RPS29: variants seen among roughly 807,000 people sequenced by gnomAD.
RPS29 encodes the protein small ribosomal subunit protein uS14.
For synonymous variants in RPS29, 37 were observed against 26.9 expected, an observed-to-expected ratio of 1.37 and a Z score of -1.16; for missense variants, 60 against 75.7, an observed-to-expected ratio of 0.79 and a Z score of 0.77.
intron 2 of RPS29, among the ~76,000 whole-genome samples, chr14:49,584,963 A>C (rs1881473373): frequency 6.6e-6 from 1 of 152,040 alleles, no homozygotes; most frequent in Non-Finnish European, 1.5e-5. Context: ...CACTAGCTTG[A>C]CTAAGATGAT....
At chr14:49,596,019 AGGAGGGAGGGAG>A (rs35194256) in intron 1 of RPS29, among the ~76,000 whole-genome samples, 9 of 109,660 alleles carry the variant, frequency 8.2e-5, no homozygotes, top group South Asian at 6.4e-4. Context: ...GAAGAAATGA[AGGAGGGAGGGAG>A]GGAGGGAGGG....
At chr14:49,579,586 G>A (rs1881279808), downstream of RPS29, among the ~76,000 whole-genome samples, 1 of 152,174 alleles carries the variant, frequency 6.6e-6, no homozygotes, top group South Asian at 2.1e-4. Flanking sequence ...TCCAATGGTT[G>A]TTTGGGCCTC....
chr14:49,581,190 C>G (rs949836462), downstream of RPS29, among the ~76,000 whole-genome samples: 5 of 144,594 alleles, frequency 3.5e-5, no homozygotes, highest in African/African-American at 1.3e-4. Context: ...AACTCTATCT[C>G]AAAAAAAAAA....
At chr14:49,596,973 G>A (rs1167502618) in intron 1 of RPS29, among the ~76,000 whole-genome samples, 1 of 148,928 alleles carries the variant, frequency 6.7e-6, no homozygotes, top group Non-Finnish European at 1.5e-5. Context: ...GGAGTGCAGT[G>A]GCACTATCTC....
chr14:49,595,738 C>G (rs577704616), intron 1 of RPS29, among the ~76,000 whole-genome samples: 1 of 152,130 alleles, frequency 6.6e-6, no homozygotes, highest in Admixed American at 6.5e-5. Context: ...GTCGGCAGGG[C>G]GCGGTGGCTC....
chr14:49,573,815 A>T (rs912482364), exon 3 of RPS29: 1 of 152,198 alleles, frequency 6.6e-6, no homozygotes, highest in African/African-American at 2.4e-5. Flanking sequence ...ATGAATGTTA[A>T]TAAGAGTTAA....
downstream of RPS29, among the ~76,000 whole-genome samples, chr14:49,583,070 C>T (rs755430921): frequency 1.3e-5 from 2 of 152,140 alleles, no homozygotes; most frequent in Non-Finnish European, 2.9e-5. Flanking sequence ...GTCTCCTGGG[C>T]TCAAGCAATC....
At chr14:49,585,798 C>T in intron 2 of RPS29, 152 bp downstream of exon 2, 1 of 622,094 alleles carries the variant, frequency 1.6e-6, no homozygotes, top group African/African-American at 1.8e-5. Flanking sequence ...AACACTGTCA[C>T]CAGCTACCAA....
At chr14:49,577,845 C>T (rs750841465) in exon 3 of RPS29, 2 of 1,592,876 alleles carry the variant, frequency 1.3e-6, no homozygotes, top group Non-Finnish European at 1.7e-6. Flanking sequence ...GAAGACAGCT[C>T]AGGTCTTTCT....
chr14:49,595,785 G>A (rs984231334), intron 1 of RPS29, among the ~76,000 whole-genome samples: 14 of 152,014 alleles, frequency 9.2e-5, no homozygotes, highest in African/African-American at 3.4e-4. Flanking sequence ...GGCTGGGGCG[G>A]GTGGATCACC....
At chr14:49,597,553 G>A (rs1462934833) in intron 1 of RPS29, 1 of 152,120 alleles carries the variant, frequency 6.6e-6, no homozygotes, top group East Asian at 1.9e-4. Context: ...GAAAATTGTA[G>A]TGTCCGTTTT....
At chr14:49,596,918 C>CTT (rs11294951) in intron 1 of RPS29, among the ~76,000 whole-genome samples, 60 of 121,918 alleles carry the variant, frequency 4.9e-4, no homozygotes, top group Admixed American at 6.8e-4. Flanking sequence ...TTTTCTTCTT[C>CTT]TTTTTTTTTT....
exon 3 of RPS29, chr14:49,574,065 T>G (rs1057474838): frequency 1.3e-5 from 2 of 152,234 alleles, no homozygotes; most frequent in African/African-American, 2.4e-5. Context: ...ATTTAGGAAA[T>G]GAAACAAAAA....
At chr14:49,586,075 G>A (rs753270596) in intron 1 of RPS29, 26 bp from the exon 2 acceptor site, 19 of 1,596,974 alleles carry the variant, frequency 1.2e-5, no homozygotes, top group Non-Finnish European at 1.5e-5. Context: ...CAGCGGTTTT[G>A]CAGGTCATAG....
exon 3 of RPS29, chr14:49,576,116 G>C (rs971256059): frequency 9.0e-6 from 1 of 111,250 alleles, no homozygotes; most frequent in Non-Finnish European, 1.9e-5. Context: ...ACAGCTAATA[G>C]TGCAGCCTTT....
chr14:49,586,244 T>G (rs1881548741), intron 1 of RPS29, 41 bp downstream of exon 1: 2 of 1,599,382 alleles, frequency 1.3e-6, no homozygotes, highest in African/African-American at 2.7e-5. Flanking sequence ...AGCCTAGCGC[T>G]CCACGGCAAC....
At chr14:49,586,139 A>ATCAGACG in intron 1 of RPS29, 90 bp from the exon 2 acceptor site, 1 of 1,416,394 alleles carries the variant, frequency 7.1e-7, no homozygotes, top group Non-Finnish European at 1.0e-6. Context: ...GGGACTCCCA[A>ATCAGACG]GCCACAGTAC....
chr14:49,571,331 G>A (rs572634178), exon 3 of RPS29: 1 of 152,306 alleles, frequency 6.6e-6, no homozygotes, highest in African/African-American at 2.4e-5. Flanking sequence ...GTGTGACATA[G>A]CGTGCACAGT....
chr14:49,584,601 C>A (rs1019744331), intron 2 of RPS29, among the ~76,000 whole-genome samples: 6 of 151,922 alleles, frequency 3.9e-5, no homozygotes, highest in African/African-American at 1.5e-4. Flanking sequence ...CCCATCTCCA[C>A]AAAATAATAA....
Sources: gnomAD v4.1 joint callset for allele counts (sites outside exome capture counted in the v4.1 genomes callset) on GRCh38, gnomAD v4.1.1 for gene constraint, MANE v1.5 for transcripts, NCBI Gene and HGNC (gene_info 2026-07-23, HGNC 2026-07-21) for gene names.